Variants in KDM5B observed in about 807,000 individuals in gnomAD.
The protein encoded by KDM5B is lysine demethylase 5B, also known as lysine-specific demethylase 5B.
In KDM5B, 144 loss-of-function variants were observed where a neutral mutation model predicts 193.4. That is an observed-to-expected ratio of 0.74 (90% CI 0.65 to 0.86). The LOEUF is 0.86. Ranked by LOEUF, KDM5B falls within the 40% of genes least tolerant of loss-of-function variation. KDM5B has a pLI of 0.00. For missense variants in KDM5B, 1,833 were observed against 1,886.9 expected, an observed-to-expected ratio of 0.97 and a Z score of 0.53; for synonymous variants, 668 against 682.6, an observed-to-expected ratio of 0.98 and a Z score of 0.33.
At position 202,760,875 on chromosome 1, in the gene KDM5B, G is replaced by A. The variant is rs529908701; in HGVS notation, c.919-302C>T. Among the ~76,000 whole-genome samples, 35 of 152,126 alleles carry A rather than the reference G, an allele frequency of 2.3e-4. No homozygotes were observed. The South Asian group carries it at 3.5e-3, about 15-fold the overall frequency. ...GGTTCCAAAACAACAAGATGCTAAG[G>A]TTATAGGCCAAGAGTGGTGGCACGT... On this transcript the variant is annotated intron_variant, in intron 7 of 26. Coordinates refer to ENST00000367265, the MANE Select transcript of KDM5B (RefSeq NM_006618.5).
At chr1:202,785,249 A>G (rs1252601689) in intron 1 of KDM5B, among the ~76,000 whole-genome samples, 7 of 152,184 alleles carry the variant, frequency 4.6e-5, no homozygotes, top group African/African-American at 1.7e-4. Flanking sequence ...GCCTAACCCT[A>G]GCTGGCATGT....
chr1:202,724,818 T>C lies in KDM5B; in HGVS notation c.*4218A>G, dbSNP rs1367915714. 4 of 152,220 alleles carry C rather than the reference T, an allele frequency of 2.6e-5. No individual in the cohort carries two copies. The South Asian group carries it at 6.2e-4, about 24-fold the overall frequency. 9.4% of individuals were successfully genotyped at this position (152,220 alleles called of 1,614,324 possible). A position where few individuals can be genotyped will look rare whatever the true frequency, so the allele number is the denominator to read the frequency against. Reference sequence around the variant, plus strand: ...TATTGGCAAGGGCAGAAAGGAAGCATGGTTTGAAACCGCACTCTTCTCCAA... The same window carrying C: ...TATTGGCAAGGGCAGAAAGGAAGCACGGTTTGAAACCGCACTCTTCTCCAA... On this transcript the variant is annotated 3_prime_UTR_variant, in exon 27 of 27. Coordinates refer to ENST00000367265, the MANE Select transcript of KDM5B (RefSeq NM_006618.5).
intron 1 of KDM5B, chr1:202,806,474 A>G (rs1404194707): frequency 6.6e-6 from 1 of 152,246 alleles, no homozygotes; most frequent in Admixed American, 6.5e-5. Flanking sequence ...CTTTGCACTA[A>G]GAGAAACGTA....
chr1:202,753,661 GTTGTTTTTTTT>G (rs1024404950), intron 11 of KDM5B, among the ~76,000 whole-genome samples: 8 of 115,958 alleles, frequency 6.9e-5, no homozygotes, highest in Admixed American at 2.1e-4. Context: ...TTTTGTTGTT[GTTGTTTTTTTT>G]TTGTTTTTTT....
intron 7 of KDM5B, 82 bp from the exon 8 acceptor site, chr1:202,760,655 T>A: frequency 2.0e-6 from 2 of 997,248 alleles, no homozygotes; most frequent in Non-Finnish European, 2.9e-6. Flanking sequence ...GAAATGGATC[T>A]GAGACATAAT....
chr1:202,777,677 T>C (rs549144957), intron 1 of KDM5B, among the ~76,000 whole-genome samples: 149 of 152,046 alleles, frequency 9.8e-4, no homozygotes, highest in African/African-American at 3.5e-3. Flanking sequence ...AGGTTTTTTT[T>C]AGAGACGAGG....
At chr1:202,807,736 C>T (rs1161472755) in intron 1 of KDM5B, among the ~76,000 whole-genome samples, 5 of 151,186 alleles carry the variant, frequency 3.3e-5, no homozygotes. Context: ...ACAGTCCTCC[C>T]TCCAGCCCGC....
chr1:202,747,346 C>T (rs113315315), intron 14 of KDM5B, among the ~76,000 whole-genome samples: 1 of 151,888 alleles, frequency 6.6e-6, no homozygotes, highest in African/African-American at 2.4e-5. Flanking sequence ...TAGTTCATAC[C>T]TAATTTTAAT....
Position 202,773,078 on chromosome 1 carries a change from T to C in KDM5B, c.576+40A>G, listed in dbSNP as rs750852792. 9.8e-6 allele frequency: 13 copies of C among 1,331,812 alleles called. No individual in the cohort carries two copies. The African/African-American group carries it at 1.5e-4, about 15-fold the overall frequency. The allele number at this position is 1,331,812 out of a possible 1,614,324, so 82.5% of individuals were successfully genotyped here. A position where few individuals can be genotyped will look rare whatever the true frequency, so the allele number is the denominator to read the frequency against. ...CCTGAAAAGACAATGTACCAATAAG[T>C]AGTAAGATAAAACAGGTTAAGGCTA... On this transcript the variant is annotated intron_variant, in intron 4 of 26. Transcript: ENST00000367265.
chr1:202,759,550 C>CAAAAAA (rs67515433), intron 8 of KDM5B, among the ~76,000 whole-genome samples: 1 of 115,800 alleles, frequency 8.6e-6, no homozygotes, highest in Non-Finnish European at 1.7e-5. Flanking sequence ...GATCCTGTCT[C>CAAAAAA]AAAAAAAAAA....
chr1:202,754,795 C>T (rs1421120798), intron 11 of KDM5B, among the ~76,000 whole-genome samples: 1 of 152,192 alleles, frequency 6.6e-6, no homozygotes, highest in African/African-American at 2.4e-5. Flanking sequence ...AGTGATTCTC[C>T]TCCCTCCACC....
rs543725320 is a variant in KDM5B at position 202,790,410 on chromosome 1, C to T, written c.205-13316G>A. On this transcript the variant is annotated intron_variant, in intron 1 of 26. Transcript: ENST00000367265. ...TGGGCAAGGTGGCAAAATCTCATCT[C>T]TACAAAACATATTTAACACAAAAAT... Among the ~76,000 whole-genome samples, 148 of 152,118 alleles carry T rather than the reference C, an allele frequency of 9.7e-4. 1 individual carries two copies. Among genetic ancestry groups the T allele is most frequent in the African/African-American group, 3.4e-3 (142 of 41,490 alleles).
At position 202,742,489 on chromosome 1, in the gene KDM5B, C is replaced by T. The variant is rs763930337; in HGVS notation, c.2491G>A (p.Gly831Arg). The change falls in exon 18 of 27, where the codon GGG (glycine) becomes AGG (arginine). Residue 831 changes from glycine (G) to arginine (R), a missense_variant. Physicochemically the swap from Gly to Arg is moderately radical, Grantham distance 125 (BLOSUM62 -2). Transcript: ENST00000367265. ...ACTGTCAACTGATTTTGGGATTTCCCTCCACCAGATCGATATCTGTAAAGA... is the reference window on the plus strand; with the variant it reads ...ACTGTCAACTGATTTTGGGATTTCCTTCCACCAGATCGATATCTGTAAAGA... ...KRQTRYRSGG[G>R]KSQNQLTVNE... 2 of 1,613,980 alleles carry T rather than the reference C, an allele frequency of 1.2e-6. No individual in the cohort carries two copies. Among genetic ancestry groups the T allele is most frequent in the East Asian group, 2.2e-5 (1 of 44,892 alleles).
At chr1:202,736,106 C>G in intron 21 of KDM5B, 107 bp downstream of exon 21, 1 of 805,782 alleles carries the variant, frequency 1.2e-6, no homozygotes, top group Non-Finnish European at 1.8e-6. Context: ...AAGAACAACT[C>G]ACAGAATATA....
At position 202,774,681 on chromosome 1, in the gene KDM5B, A is replaced by ACT; in HGVS notation, c.335_336dup (p.Leu113SerfsTer7). 1 of 1,611,964 alleles carries ACT rather than the reference A, an allele frequency of 6.2e-7. No homozygotes were observed. The highest frequency in any genetic ancestry group is 8.5e-7 in the Non-Finnish European group (1 of 1,178,156). ...GGAATTTTCAGAGTACTTCCCTGTA[A>ACT]CTCCCAGTACTTTGCAATCTGGTCC... On this transcript the variant is annotated frameshift_variant, in exon 3 of 27. Coordinates refer to ENST00000367265, the MANE Select transcript of KDM5B (RefSeq NM_006618.5). LOFTEE classifies it high-confidence loss of function.
Position 202,733,500 on chromosome 1 carries a change from A to T in KDM5B, c.3810T>A (p.Leu1270=), listed in dbSNP as rs771122810. 1 of 1,614,158 alleles carries T rather than the reference A, an allele frequency of 6.2e-7. No homozygotes were observed. Among genetic ancestry groups the T allele is most frequent in the East Asian group, 2.2e-5 (1 of 44,884 alleles). Residue 1270 remains leucine (L), a synonymous_variant, in exon 23 of 27, where the codon CTT becomes CTA. Transcript: ENST00000367265. Reference sequence around the variant, plus strand: ...GCACAAATTTAAGATTCCCTGACGAAAGCAGTTGCTGGGCTCTGTGCTGCC... The same window carrying T: ...GCACAAATTTAAGATTCCCTGACGATAGCAGTTGCTGGGCTCTGTGCTGCC... ...VNWQHRAQQL[L]SSGNLKFVQD...
intron 16 of KDM5B, among the ~76,000 whole-genome samples, chr1:202,743,805 AC>A (rs1218813103): frequency 6.6e-6 from 1 of 152,250 alleles, no homozygotes; most frequent in African/African-American, 2.4e-5. Context: ...GAAGATTAAA[AC>A]TGGACCCCTT....
chr1:202,782,682 A>T (rs1195775414), intron 1 of KDM5B, among the ~76,000 whole-genome samples: 4 of 152,194 alleles, frequency 2.6e-5, no homozygotes, highest in Non-Finnish European at 5.9e-5. Context: ...TAAGTGTCTA[A>T]AAGGAATATA....
intron 1 of KDM5B, among the ~76,000 whole-genome samples, chr1:202,786,282 T>TTACAGG (rs1235916697): frequency 6.6e-6 from 1 of 151,908 alleles, no homozygotes; most frequent in Non-Finnish European, 1.5e-5. Context: ...AGTGCTGGGA[T>TTACAGG]TACAGGTGTG....
Sources: gnomAD v4.1 joint callset for allele counts (sites outside exome capture counted in the v4.1 genomes callset) on GRCh38, gnomAD v4.1.1 for gene constraint, MANE v1.5 for transcripts, NCBI Gene and HGNC (gene_info 2026-07-23, HGNC 2026-07-21) for gene names.